Variants in DMD observed in about 807,000 individuals in gnomAD.
DMD encodes the protein mutant dystrophin.
In DMD, 63 loss-of-function variants were observed where a neutral mutation model predicts 330.1. That is an observed-to-expected ratio of 0.19 (90% confidence interval 0.16 to 0.24). DMD has a LOEUF of 0.24. DMD is among the 10% of genes least tolerant of loss of function. DMD has a pLI of 1.00. For synonymous variants in DMD, 1,223 were observed against 959.8 expected, an observed-to-expected ratio of 1.27 and a Z score of -5.07; for missense variants, 3,344 against 2,684.1, an observed-to-expected ratio of 1.25 and a Z score of -5.43.
At chrX:32,431,382 C>T (rs201914703) in intron 29 of DMD, among the ~76,000 whole-genome samples, 1 of 111,178 alleles carries the variant, frequency 9.0e-6, no homozygotes, top group East Asian at 2.8e-4. Context: ...GAAGAAATGC[C>T]TTTTGAGCTC....
At chrX:33,336,981 G>T (rs978976075) in intron 1 of DMD, among the ~76,000 whole-genome samples, 22 of 111,161 alleles carry the variant, frequency 2.0e-4, no homozygotes, top group Non-Finnish European at 3.2e-4. Context: ...TCAACAGCTG[G>T]TGCCACCTAG....
intron 45 of DMD, among the ~76,000 whole-genome samples, chrX:31,941,621 G>C (rs777825948): frequency 9.0e-6 from 1 of 111,372 alleles, no homozygotes; most frequent in East Asian, 2.8e-4. Context: ...GTGATGCCAA[G>C]GTTTAGGGTA....
intron 55 of DMD, among the ~76,000 whole-genome samples, chrX:31,511,336 A>ATTTAT (rs575874863): frequency 0.14 from 13,508 of 95,437 alleles, 907 homozygotes; most frequent in Middle Eastern, 0.23. Context: ...TTATTTATTT[A>ATTTAT]TTATTATTAT....
intron 54 of DMD, among the ~76,000 whole-genome samples, chrX:31,631,371 A>G (rs1345133975): frequency 9.0e-6 from 1 of 111,269 alleles, no homozygotes; most frequent in Non-Finnish European, 1.9e-5. Context: ...GACTCAGCTA[A>G]AGAGAGGTGC....
intron 63 of DMD, among the ~76,000 whole-genome samples, chrX:31,247,155 C>A (rs949187252): frequency 8.9e-6 from 1 of 111,767 alleles, no homozygotes; most frequent in Non-Finnish European, 1.9e-5. Context: ...AAGAGATTCA[C>A]GTTTTCATGC....
chrX:31,169,568 G>A lies in DMD; in HGVS notation c.10428C>T (p.Cys3476=), dbSNP rs190867451. The change falls in exon 74 of 79, where the codon TGC becomes TGT. Residue 3476 remains cysteine (C), a synonymous_variant. Coordinates refer to ENST00000357033, the MANE Select transcript of DMD (RefSeq NM_004006.3). ...DDEHLLIQHY[C]QSLNQDSPLS... ...GGGGGGAGTCCTGGTTCAAACTTTG[G>A]CAGTAATGCTGGATTAACAAATGTT... is the stretch of plus-strand genomic sequence containing the variant. 7 of 1,204,770 alleles carry A rather than the reference G, an allele frequency of 5.8e-6. No homozygotes were observed. In the Admixed American group the frequency reaches 6.6e-5, roughly 11 times the overall value.
chrX:31,678,318 T>G (rs372727364), intron 53 of DMD, among the ~76,000 whole-genome samples: 1 of 111,516 alleles, frequency 9.0e-6, no homozygotes, highest in Non-Finnish European at 1.9e-5. Context: ...AGATAAAATA[T>G]CTATAGAGGG....
intron 63 of DMD, among the ~76,000 whole-genome samples, chrX:31,236,710 G>A (rs753528773): frequency 8.0e-5 from 9 of 111,885 alleles, no homozygotes; most frequent in Non-Finnish European, 1.5e-4. Context: ...GGAAATTCAC[G>A]TGTCAACCTA....
intron 44 of DMD, among the ~76,000 whole-genome samples, chrX:32,182,568 A>G (rs761326085): frequency 8.3e-4 from 93 of 111,669 alleles, no homozygotes; most frequent in Admixed American, 2.8e-3. Flanking sequence ...TAAACAGTAC[A>G]TACATGGCAT....
chrX:32,377,101 C>T (rs1205050667), intron 34 of DMD, among the ~76,000 whole-genome samples: 1 of 111,414 alleles, frequency 9.0e-6, no homozygotes, highest in Non-Finnish European at 1.9e-5. Flanking sequence ...AAATTCTTTG[C>T]TAATTTTGAT....
chrX:32,049,262 C>T (rs1480518536), intron 44 of DMD, among the ~76,000 whole-genome samples: 2 of 110,768 alleles, frequency 1.8e-5, no homozygotes, highest in Non-Finnish European at 3.8e-5. Flanking sequence ...ATTTGTAATA[C>T]GTCCGTTAAA....
intron 1 of DMD, among the ~76,000 whole-genome samples, chrX:33,112,217 ATTG>A (rs770803395): frequency 9.0e-6 from 1 of 110,720 alleles, no homozygotes; most frequent in Admixed American, 9.7e-5. Context: ...AATATTAGTT[ATTG>A]TTGTTAATCT....
intron 1 of DMD, among the ~76,000 whole-genome samples, chrX:33,030,293 T>A (rs2094085366): frequency 8.9e-6 from 1 of 112,005 alleles, no homozygotes. Context: ...ATTTTTATAG[T>A]ATTTGTAAAT....
chrX:33,282,109 T>C lies in DMD; in HGVS notation c.7+57150A>G, dbSNP rs138470614. On this transcript the variant is annotated intron_variant, in intron 1 of 17. Transcript: ENST00000288447. ...TTGTGGTGGATAGCCTTACCAGTGC[T>C]CTGTGTTTGCCCAGGTATCTCTGGG... 2.9e-4 allele frequency among the ~76,000 whole-genome samples: 32 copies of C among 110,757 alleles called. 1 individual carries two copies. The East Asian group carries it at 8.6e-3, about 30-fold the overall frequency.
intron 44 of DMD, among the ~76,000 whole-genome samples, chrX:32,066,709 T>C (rs372669049): frequency 1.8e-5 from 2 of 111,462 alleles, no homozygotes; most frequent in Non-Finnish European, 3.8e-5. Flanking sequence ...GCTGAAGAGA[T>C]AATAATAATG....
chrX:32,536,356 G>T (rs757935719), intron 17 of DMD, among the ~76,000 whole-genome samples: 1 of 109,798 alleles, frequency 9.1e-6, no homozygotes, highest in South Asian at 4.0e-4. Context: ...TTAGTAGCAC[G>T]GTGGCAGGTA....
chrX:32,653,692 T>A lies in DMD; in HGVS notation c.961-8540A>T, dbSNP rs759443941. On this transcript the variant is annotated intron_variant, in intron 9 of 78. Transcript: ENST00000357033. Reference sequence around the variant, plus strand: ...TAAAGTAGTTTTTTCCAATTCCGTGTAGAAAGTCATTGGTAGCTTGATGGG... The same window carrying A: ...TAAAGTAGTTTTTTCCAATTCCGTGAAGAAAGTCATTGGTAGCTTGATGGG... 3.8e-4 allele frequency among the ~76,000 whole-genome samples: 43 copies of A among 111,916 alleles called. 1 individual carries two copies. In the South Asian group the frequency reaches 0.014, roughly 36 times the overall value.
intron 25 of DMD, among the ~76,000 whole-genome samples, chrX:32,461,786 G>A (rs1038439552): frequency 1.2e-4 from 13 of 109,518 alleles, no homozygotes; most frequent in African/African-American, 4.0e-4. Flanking sequence ...AACATCAATG[G>A]TATAATCTAT....
chrX:31,813,626 G>A (rs147430542), intron 50 of DMD, among the ~76,000 whole-genome samples: 26 of 111,931 alleles, frequency 2.3e-4, no homozygotes, highest in African/African-American at 8.1e-4. Context: ...ATCCAGTCTC[G>A]GGTATTTCTT....
Sources: gnomAD v4.1 joint callset for allele counts (sites outside exome capture counted in the v4.1 genomes callset) on GRCh38, gnomAD v4.1.1 for gene constraint, MANE v1.5 for transcripts, NCBI Gene and HGNC (gene_info 2026-07-23, HGNC 2026-07-21) for gene names.